The following KCNH7 variants were observed in gnomAD, a reference collection of about 807,000 sequenced individuals.
The protein encoded by KCNH7 is potassium voltage-gated channel subfamily H member 7, also known as voltage-gated inwardly rectifying potassium channel KCNH7.
KCNH7 carries 49 observed loss-of-function variants against 120.8 expected under a neutral mutation model. That is an observed-to-expected ratio of 0.41 (90% CI 0.32 to 0.51). KCNH7 has a LOEUF of 0.51. Among genes scored for constraint, KCNH7 ranks in the 20% least tolerant of loss-of-function variants. The pLI, the probability that KCNH7 is intolerant of heterozygous loss-of-function variation, is 0.38. For synonymous variants in KCNH7, 547 were observed against 516.1 expected, an observed-to-expected ratio of 1.06 and a Z score of -0.81; for missense variants, 1,097 against 1,446.6, an observed-to-expected ratio of 0.76 and a Z score of 3.92.
At chr2:162,803,044 T>C (rs1353011331) in intron 2 of KCNH7, among the ~76,000 whole-genome samples, 1 of 151,760 alleles carries the variant, frequency 6.6e-6, no homozygotes, top group Non-Finnish European at 1.5e-5. Flanking sequence ...CCATTTCTTT[T>C]GTCCGGAGGT....
intron 2 of KCNH7, among the ~76,000 whole-genome samples, chr2:162,765,906 A>T (rs141374902): frequency 0.017 from 2,545 of 152,130 alleles, 63 homozygotes; most frequent in African/African-American, 0.053. Context: ...ACCATGCCCC[A>T]CCAAGCCAGT....
Position 162,836,564 on chromosome 2 carries a change from C to A in KCNH7, c.280G>T (p.Val94Leu). The A allele has an allele frequency of 6.2e-7, 1 of 1,614,068 alleles. No individual in the cohort carries two copies. Among genetic ancestry groups the A allele is most frequent in the Non-Finnish European group, 8.5e-7 (1 of 1,179,978 alleles). ...TTTTTGTGATAGTAGGTGACCTCCA[C>A]TTTCCTCTCTTCTGACCCCAGCAAT... ...QALLGSEERK[V>L]EVTYYHKNGS... Residue 94 changes from valine to leucine, a missense_variant, in exon 2 of 16, where the codon GTG (valine) becomes TTG (leucine). Physicochemically the swap from Val to Leu is conservative, Grantham distance 32. Coordinates refer to ENST00000332142, the MANE Select transcript of KCNH7 (RefSeq NM_033272.4).
At chr2:162,630,108 C>T (rs1186322357) in intron 2 of KCNH7, among the ~76,000 whole-genome samples, 2 of 151,976 alleles carry the variant, frequency 1.3e-5, no homozygotes, top group African/African-American at 4.8e-5. Context: ...CAAGAAACTA[C>T]AAGACTTAGG....
chr2:162,512,772 A>T, intron 4 of KCNH7, 98 bp from the exon 5 acceptor site: 1 of 938,816 alleles, frequency 1.1e-6, no homozygotes, highest in Non-Finnish European at 1.6e-6. Flanking sequence ...CAATCAGAGA[A>T]ATCAGAATAT....
chr2:162,481,504 A>G (rs1451004251), intron 6 of KCNH7, among the ~76,000 whole-genome samples: 1 of 152,140 alleles, frequency 6.6e-6, no homozygotes, highest in African/African-American at 2.4e-5. Context: ...ACCTTTTACA[A>G]TTCAGTTCAG....
rs542832729 is a variant in KCNH7 at position 162,766,594 on chromosome 2, C to T, written c.307+69943G>A. On this transcript the variant is annotated intron_variant, in intron 2 of 15. Transcript: ENST00000332142. Reference sequence around the variant, plus strand: ...TTGTTTGATTCCTATTTATTTTAGTCGTCGTTTTTCTTTACATCTATGCTA... The same window carrying T: ...TTGTTTGATTCCTATTTATTTTAGTTGTCGTTTTTCTTTACATCTATGCTA... Among the ~76,000 whole-genome samples the T allele has an allele frequency of 3.3e-5, 5 of 152,176 alleles. No individual in the cohort carries two copies. In the East Asian group the frequency reaches 7.7e-4, roughly 23 times the overall value.
rs560626628 is a variant in KCNH7, at chr2:162,420,743, T to A, written c.2154+2593A>T. ...ACATGGTTGAACAGTGAAAATGACC[T>A]GAAATGTTTCGTGAGAAATTATATT... On this transcript the variant is annotated intron_variant, in intron 9 of 15. Transcript: ENST00000332142. Among the ~76,000 whole-genome samples, 19 of 152,294 alleles carry A rather than the reference T, an allele frequency of 1.2e-4. No homozygotes were observed. In the South Asian group the frequency reaches 3.7e-3, roughly 30 times the overall value.
At chr2:162,689,828 G>C (rs943679990) in intron 2 of KCNH7, among the ~76,000 whole-genome samples, 1 of 152,076 alleles carries the variant, frequency 6.6e-6, no homozygotes, top group African/African-American at 2.4e-5. Flanking sequence ...TAAGAGAGAA[G>C]CCCAAATAAC....
In KCNH7 at chr2:162,626,813, A is replaced by G. The variant is rs1160169402; in HGVS notation, c.308-89733T>C. ...TATACATTAAAGGTAATTAGTTAAA[A>G]GGACGATTATCATTATAGGAAATAG... On this transcript the variant is annotated intron_variant, in intron 2 of 15. Coordinates refer to ENST00000332142, the MANE Select transcript of KCNH7 (RefSeq NM_033272.4). Among the ~76,000 whole-genome samples the G allele has an allele frequency of 2.0e-5, 3 of 152,200 alleles. No individual in the cohort carries two copies. The East Asian group carries it at 5.8e-4, about 29-fold the overall frequency.
In KCNH7 at chr2:162,379,943, C is replaced by G. The variant is rs1558916573; in HGVS notation, c.3041G>C (p.Arg1014Pro). ...GGTTTCAGAGATACCCCAGGCAGCT[C>G]GCTGAAGTGCAGATGGACTGGAGTC... ...PEDSSPSALQRAAWGISETES... is the reference protein window; with the variant it reads ...PEDSSPSALQPAAWGISETES... Residue 1014 changes from arginine (R) to proline (P), a missense_variant, in exon 14 of 16, where the codon CGA becomes CCA. Physicochemically the swap from Arg to Pro is moderately radical, Grantham distance 103 (BLOSUM62 -2). This residue lies in a region of KCNH7 where 406 missense variants were observed against 410.5 expected (regional missense o/e 0.99). Transcript: ENST00000332142. 1.9e-6 allele frequency: 3 copies of G among 1,614,014 alleles called. No individual in the cohort carries two copies. The highest frequency in any genetic ancestry group is 1.7e-6 in the Non-Finnish European group (2 of 1,179,946).
rs1573941794 is a variant in KCNH7 at position 162,830,683 on chromosome 2, A to G, written c.307+5854T>C. 2.0e-5 allele frequency among the ~76,000 whole-genome samples: 3 copies of G among 152,166 alleles called. No individual in the cohort carries two copies. In the East Asian group the frequency reaches 5.8e-4, roughly 29 times the overall value. ...GTAGTAAGAAGTGTAGACTTTTGGG[A>G]TGTGATTAAGTCATATGGGCTCCAC... On this transcript the variant is annotated intron_variant, in intron 2 of 15. Coordinates refer to ENST00000332142, the MANE Select transcript of KCNH7 (RefSeq NM_033272.4).
intron 2 of KCNH7, among the ~76,000 whole-genome samples, chr2:162,562,994 T>C (rs993218368): frequency 1.3e-5 from 2 of 152,186 alleles, no homozygotes; most frequent in South Asian, 2.1e-4. Context: ...TTGGTCTTTC[T>C]TCAAACCATC....
intron 2 of KCNH7, among the ~76,000 whole-genome samples, chr2:162,696,766 C>A (rs1686304841): frequency 6.6e-6 from 1 of 152,050 alleles, no homozygotes; most frequent in South Asian, 2.1e-4. Flanking sequence ...TATGAAAAAG[C>A]ACTCAGGAAC....
chr2:162,524,449 G>A (rs943974326), intron 3 of KCNH7, among the ~76,000 whole-genome samples: 3 of 152,030 alleles, frequency 2.0e-5, no homozygotes, highest in African/African-American at 4.8e-5. Flanking sequence ...CAGCCCTAAG[G>A]AAGATGTCTG....
chr2:162,712,293 C>T lies in KCNH7; in HGVS notation c.307+124244G>A, dbSNP rs139566865. On this transcript the variant is annotated intron_variant, in intron 2 of 15. Transcript: ENST00000332142. ...TTTTTTTTTTCTCTGCAGTTCTGAG[C>T]ACACCTGTTGGTTCTCTTTGTGAAA... 3.0e-4 allele frequency among the ~76,000 whole-genome samples: 45 copies of T among 152,086 alleles called. No individual in the cohort carries two copies. The East Asian group carries it at 7.2e-3, about 24-fold the overall frequency.
At chr2:162,385,020 C>A (rs1686533556) in intron 12 of KCNH7, 81 bp from the exon 13 acceptor site, 1 of 1,094,362 alleles carries the variant, frequency 9.1e-7, no homozygotes, top group Non-Finnish European at 1.3e-6. Flanking sequence ...CACTACCTAG[C>A]TATATATATA....
chr2:162,601,141 T>C (rs2105951415), intron 2 of KCNH7, among the ~76,000 whole-genome samples: 1 of 152,120 alleles, frequency 6.6e-6, no homozygotes, highest in Middle Eastern at 3.4e-3. Flanking sequence ...CCCTAGCTAG[T>C]TGGAGAAGAA....
At chr2:162,634,389 A>G (rs1481580497) in intron 2 of KCNH7, among the ~76,000 whole-genome samples, 2 of 152,026 alleles carry the variant, frequency 1.3e-5, no homozygotes, top group African/African-American at 4.8e-5. Flanking sequence ...ACGTATTGAC[A>G]AGGGACATAT....
At position 162,446,249 on chromosome 2, in the gene KCNH7, T is replaced by G; in HGVS notation, c.1323A>C (p.Arg441Ser). The part of the protein sequence containing the change: ...FLLNDREEQK[R>S]RECGYSCSPL... ...GGCTACAAGAATAGCCACATTCTCGTCTTTTCTGTTCTTCTCTGTCATTGA... is the reference window on the plus strand; with the variant it reads ...GGCTACAAGAATAGCCACATTCTCGGCTTTTCTGTTCTTCTCTGTCATTGA... The change falls in exon 7 of 16, where the codon AGA becomes AGC. Residue 441 changes from arginine to serine, a missense_variant. This residue lies in a region of KCNH7 where 109 missense variants were observed against 196.8 expected (regional missense o/e 0.55). Transcript: ENST00000332142. 6.2e-7 allele frequency: 1 copy of G among 1,613,898 alleles called. No homozygotes were observed. The highest frequency in any genetic ancestry group is 8.5e-7 in the Non-Finnish European group (1 of 1,179,830).
Sources: allele counts gnomAD v4.1 joint callset (sites outside exome capture counted in the v4.1 genomes callset), GRCh38; gene constraint gnomAD v4.1.1; regional missense constraint gnomAD v4.1.1; transcripts MANE v1.5; gene names NCBI Gene and HGNC (gene_info 2026-07-23, HGNC 2026-07-21).